Variants in WDR49 observed in about 807,000 individuals in gnomAD.
WDR49 encodes WD repeat domain 49, also known as cilia- and flagella-associated protein 337.
A neutral mutation model predicts 119.5 loss-of-function variants in WDR49; 107 were observed. That is an observed-to-expected ratio of 0.90 (90% CI 0.77 to 1.05). WDR49 has a LOEUF of 1.05. Ranked by LOEUF, WDR49 falls within the 50% of genes least tolerant of loss-of-function variation. The pLI is 0.00. For missense variants in WDR49, 1,240 were observed against 1,220.5 expected (o/e 1.02, Z -0.24); for synonymous variants, 425 against 418.8 (o/e 1.01, Z -0.18).
chr3:167,617,956 A>G (rs1015525717), intron 5 of WDR49, among the ~76,000 whole-genome samples: 11 of 152,170 alleles, frequency 7.2e-5, no homozygotes, highest in African/African-American at 2.2e-4. Context: ...GGTCTGTCCA[A>G]GTTTCCTCAA....
intron 18 of WDR49, among the ~76,000 whole-genome samples, chr3:167,487,600 G>T (rs1158487983): frequency 6.6e-6 from 1 of 152,070 alleles, no homozygotes; most frequent in Non-Finnish European, 1.5e-5. Flanking sequence ...ACAACGTACA[G>T]AACGGGAGAA....
rs538751667 is a variant in WDR49 at position 167,524,229 on chromosome 3, G to A, written c.2605-1745C>T. ...GTGTCTGTTCATATCCTTCACTCACGTTTCGATGAGGTTGTTTGGTTTCTT... is the reference window on the plus strand; with the variant it reads ...GTGTCTGTTCATATCCTTCACTCACATTTCGATGAGGTTGTTTGGTTTCTT... On this transcript the variant is annotated intron_variant, in intron 15 of 18. Transcript: ENST00000682715. Among the ~76,000 whole-genome samples, 262 of 152,004 alleles carry A rather than the reference G, an allele frequency of 1.7e-3. 3 individuals are homozygous for A. Among genetic ancestry groups the A allele is most frequent in the African/African-American group, 6.0e-3 (249 of 41,490 alleles).
At chr3:167,499,361 A>G (rs1751474663) in intron 18 of WDR49, among the ~76,000 whole-genome samples, 1 of 152,152 alleles carries the variant, frequency 6.6e-6, no homozygotes, top group South Asian at 2.1e-4. Context: ...AAGTTTTGAA[A>G]CCACAGATCT....
chr3:167,563,353 C>CAAAAAAAAAAAAAAAAAAAAA (rs61247447), intron 8 of WDR49, among the ~76,000 whole-genome samples: 2 of 55,856 alleles, frequency 3.6e-5, no homozygotes, highest in Admixed American at 2.1e-4. Context: ...GATTCTGAAT[C>CAAAAAAAAAAAAAAAAAAAAA]AAAAAAAAAA....
chr3:167,585,658 T>G (rs1051599580), intron 7 of WDR49, among the ~76,000 whole-genome samples: 1 of 151,974 alleles, frequency 6.6e-6, no homozygotes, highest in Non-Finnish European at 1.5e-5. Context: ...ACATAAAAAC[T>G]AATAATAAAT....
At chr3:167,504,749 T>G (rs902215113) in intron 17 of WDR49, among the ~76,000 whole-genome samples, 1 of 152,144 alleles carries the variant, frequency 6.6e-6, no homozygotes, top group African/African-American at 2.4e-5. Context: ...CCAAATCTCA[T>G]GTTGAAATGT....
At chr3:167,485,200 G>C (rs1344723232) in intron 18 of WDR49, among the ~76,000 whole-genome samples, 3 of 152,046 alleles carry the variant, frequency 2.0e-5, no homozygotes, top group Admixed American at 2.0e-4. Context: ...TTGGGTGGTT[G>C]GGGGGAAGGG....
At chr3:167,520,840 G>A (rs1752409000) in intron 16 of WDR49, among the ~76,000 whole-genome samples, 1 of 152,110 alleles carries the variant, frequency 6.6e-6, no homozygotes, top group South Asian at 2.1e-4. Flanking sequence ...ATCACTTTAA[G>A]ATATAAACAA....
chr3:167,484,893 C>G, intron 18 of WDR49, among the ~76,000 whole-genome samples: 1 of 152,112 alleles, frequency 6.6e-6, no homozygotes. Context: ...CATATGCACA[C>G]GTATGTTTAT....
chr3:167,643,467 A>G (rs185033269), intron 2 of WDR49, among the ~76,000 whole-genome samples: 2 of 152,238 alleles, frequency 1.3e-5, no homozygotes, highest in East Asian at 1.9e-4. Flanking sequence ...GATTAAAGGA[A>G]ACTAAACAGA....
chr3:167,507,833 C>G (rs948900083), intron 16 of WDR49, among the ~76,000 whole-genome samples: 2 of 152,184 alleles, frequency 1.3e-5, no homozygotes, highest in Non-Finnish European at 2.9e-5. Context: ...CTATTGCTTC[C>G]TTTTCACAGA....
rs1715444452 is a variant in WDR49, at chr3:167,596,389, T to C, written c.1275+5738A>G. ...TACTGGGTATATACCCAAAGGACTA[T>C]AAATCATGCTGCTATAAAGACACAT... On this transcript the variant is annotated intron_variant, in intron 7 of 18. Coordinates refer to ENST00000682715, the MANE Select transcript of WDR49 (RefSeq NM_001366157.1). Among the ~76,000 whole-genome samples the C allele has an allele frequency of 1.1e-4, 16 of 151,296 alleles. No individual in the cohort carries two copies. The South Asian group carries it at 2.9e-3, about 28-fold the overall frequency.
chr3:167,545,502 T>TTATATATATATATATATATATATATATA (rs1712125409), intron 10 of WDR49, among the ~76,000 whole-genome samples: 1 of 98,634 alleles, frequency 1.0e-5, no homozygotes, highest in African/African-American at 3.6e-5. Context: ...ATATTATATA[T>TTATATATATATATATATATATATATATA]TATATATTAT....
chr3:167,610,203 G>T (rs944628778), intron 5 of WDR49, among the ~76,000 whole-genome samples: 3 of 152,062 alleles, frequency 2.0e-5, no homozygotes, highest in African/African-American at 7.3e-5. Context: ...TGCCAGCATG[G>T]CCACAGGGGT....
At chr3:167,621,313 T>C (rs1716857811) in intron 4 of WDR49, among the ~76,000 whole-genome samples, 154 bp downstream of exon 4, 1 of 152,114 alleles carries the variant, frequency 6.6e-6, no homozygotes, top group South Asian at 2.1e-4. Context: ...AGAAGACAAA[T>C]TGTGACCTAA....
At chr3:167,556,775 C>G (rs1018861391) in intron 9 of WDR49, among the ~76,000 whole-genome samples, 2 of 151,140 alleles carry the variant, frequency 1.3e-5, no homozygotes, top group African/African-American at 4.9e-5. Flanking sequence ...GGCTGTAATC[C>G]CAACACTTTG....
chr3:167,531,348 A>C, intron 12 of WDR49, 69 bp from the exon 13 acceptor site: 2 of 1,537,438 alleles, frequency 1.3e-6, no homozygotes, highest in Non-Finnish European at 1.8e-6. Flanking sequence ...ATGCCTATGA[A>C]ATAGCAGGCC....
At chr3:167,581,428 G>A (rs1714525030) in intron 7 of WDR49, among the ~76,000 whole-genome samples, 1 of 151,904 alleles carries the variant, frequency 6.6e-6, no homozygotes, top group South Asian at 2.1e-4. Context: ...CTGGAATTCT[G>A]TCAAATTTGT....
At chr3:167,642,136 A>G (rs1717910539) in intron 2 of WDR49, among the ~76,000 whole-genome samples, 1 of 151,930 alleles carries the variant, frequency 6.6e-6, no homozygotes, top group Non-Finnish European at 1.5e-5. Flanking sequence ...ATAGTCAACA[A>G]GATAAAATCA....
Sources: gnomAD v4.1 joint callset for allele counts (sites outside exome capture counted in the v4.1 genomes callset) on GRCh38, gnomAD v4.1.1 for gene constraint, MANE v1.5 for transcripts, NCBI Gene and HGNC (gene_info 2026-07-23, HGNC 2026-07-21) for gene names.